Variants in FAM135B observed in about 807,000 individuals in gnomAD.
The protein encoded by FAM135B is family with sequence similarity 135 member B, also known as protein FAM135B.
FAM135B carries 43 observed loss-of-function variants against 127.7 expected under a neutral mutation model. That is an observed-to-expected ratio of 0.34 (90% CI 0.26 to 0.43). The LOEUF (loss-of-function observed/expected upper bound fraction) is 0.43. FAM135B is among the 20% of genes least tolerant of loss of function. The probability of loss-of-function intolerance (pLI) is 1.00; values close to 1 mark genes in which losing one functional copy is unlikely to be tolerated. For synonymous variants in FAM135B, 670 were observed against 665.1 expected, an observed-to-expected ratio of 1.01 and a Z score of -0.11; for missense variants, 1,558 against 1,725.6, an observed-to-expected ratio of 0.90 and a Z score of 1.72.
chr8:138,318,094 C>T (rs1350757078), intron 2 of FAM135B, among the ~76,000 whole-genome samples: 1 of 152,218 alleles, frequency 6.6e-6, no homozygotes, highest in Non-Finnish European at 1.5e-5. Flanking sequence ...AAACAATTAG[C>T]AGCGGCAGCC....
At chr8:138,149,133 A>T (rs973444150) in intron 13 of FAM135B, among the ~76,000 whole-genome samples, 3 of 82,306 alleles carry the variant, frequency 3.6e-5, no homozygotes, top group Non-Finnish European at 7.4e-5. Context: ...GTATAATAAT[A>T]AAAAAATAAA....
chr8:138,430,688 G>A (rs938256582), intron 1 of FAM135B, among the ~76,000 whole-genome samples: 1 of 152,130 alleles, frequency 6.6e-6, no homozygotes. Context: ...TTCGAGGACG[G>A]GGGTAAAAAG....
chr8:138,308,849 G>A lies in FAM135B; in HGVS notation c.157+1992C>T. The A allele has an allele frequency of 1.1e-5, 3 of 270,634 alleles. No individual in the cohort carries two copies. In the South Asian group the frequency reaches 1.1e-4, roughly 10 times the overall value. 16.8% of individuals were successfully genotyped at this position (270,634 alleles called of 1,614,324 possible). A position where few individuals can be genotyped will look rare whatever the true frequency, so the allele number is the denominator to read the frequency against. On this transcript the variant is annotated intron_variant, in intron 3 of 19. Transcript: ENST00000395297. The stretch of plus-strand genomic sequence containing the variant: ...AGCAGAGTCCTTGACGGGAGCCTGG[G>A]CATGGCTTTCATCAGGTTGGCTGTG...
At chr8:138,412,898 T>A (rs1209660360) in intron 1 of FAM135B, among the ~76,000 whole-genome samples, 1 of 152,152 alleles carries the variant, frequency 6.6e-6, no homozygotes, top group Non-Finnish European at 1.5e-5. Flanking sequence ...TCCTGCTCCC[T>A]GGGATCACAT....
rs1407440571 is a variant in FAM135B at position 138,497,155 on chromosome 8, C to T, written c.-504G>A. On this transcript the variant is annotated 5_prime_UTR_variant, in exon 1 of 20. Transcript: ENST00000395297. ...TCCTCCGCCGGGACGCGGCCAGACC[C>T]TCCGCGCCGCGCCGCGCGCCCTCGC... is the stretch of plus-strand genomic sequence containing the variant. 6.6e-6 allele frequency among the ~76,000 whole-genome samples: 1 copy of T among 151,286 alleles called. No individual in the cohort carries two copies. The highest frequency in any genetic ancestry group is 1.5e-5 in the Non-Finnish European group (1 of 67,804).
intron 1 of FAM135B, among the ~76,000 whole-genome samples, chr8:138,460,637 G>T (rs1837067688): frequency 6.6e-6 from 1 of 152,092 alleles, no homozygotes; most frequent in East Asian, 1.9e-4. Flanking sequence ...TTTCTTCCAG[G>T]ATGCTCCTCT....
chr8:138,209,508 T>C (rs1427710295), intron 7 of FAM135B, among the ~76,000 whole-genome samples: 1 of 152,096 alleles, frequency 6.6e-6, no homozygotes, highest in Non-Finnish European at 1.5e-5. Context: ...CTGCCAGATG[T>C]GGGCTGCCAG....
At chr8:138,491,936 G>A (rs933283422) in intron 1 of FAM135B, among the ~76,000 whole-genome samples, 1 of 152,154 alleles carries the variant, frequency 6.6e-6, no homozygotes, top group African/African-American at 2.4e-5. Flanking sequence ...AGTGGCTGTG[G>A]AGGAGACCAG....
intron 3 of FAM135B, among the ~76,000 whole-genome samples, chr8:138,308,394 T>C (rs1005287034): frequency 6.6e-6 from 1 of 152,174 alleles, no homozygotes; most frequent in Non-Finnish European, 1.5e-5. Flanking sequence ...AAGTCACAAG[T>C]TTTGGAGTGC....
At position 138,442,236 on chromosome 8, in the gene FAM135B, CCATATATA is replaced by C. The variant is rs1247310316; in HGVS notation, c.-20+54427_-20+54434del. ...AAATTTAACGTGAAGAATATGGACA[CCATATATA>C]TATATATATATATATATATATATAT... On this transcript the variant is annotated intron_variant, in intron 1 of 19. Transcript: ENST00000395297. Among the ~76,000 whole-genome samples, 36 of 13,130 alleles carry C rather than the reference CCATATATA, an allele frequency of 2.7e-3. 1 individual carries two copies. Among genetic ancestry groups the C allele is most frequent in the Admixed American group, 0.027 (20 of 736 alleles). 8.6% of individuals were successfully genotyped at this position (13,130 alleles called of 152,430 possible).
At chr8:138,377,288 GA>G (rs1202147107) in intron 1 of FAM135B, among the ~76,000 whole-genome samples, 1 of 152,206 alleles carries the variant, frequency 6.6e-6, no homozygotes, top group Non-Finnish European at 1.5e-5. Context: ...TAGGAGATGG[GA>G]AAGGCTCAGG....
chr8:138,248,831 A>AAAAAG (rs1218064711), intron 6 of FAM135B, among the ~76,000 whole-genome samples: 2 of 151,764 alleles, frequency 1.3e-5, no homozygotes, highest in Non-Finnish European at 2.9e-5. Flanking sequence ...CTCAAAAAAA[A>AAAAAG]AAAAACAATA....
chr8:138,368,734 G>C lies in FAM135B; in HGVS notation c.-19-732C>G, dbSNP rs144435217. Among the ~76,000 whole-genome samples the C allele has an allele frequency of 3.9e-5, 6 of 152,104 alleles. No individual in the cohort carries two copies. The East Asian group carries it at 1.2e-3, about 30-fold the overall frequency. On this transcript the variant is annotated intron_variant, in intron 1 of 19. Transcript: ENST00000395297. The stretch of plus-strand genomic sequence containing the variant: ...ACTGGGGGTCAGTAACAAGATGGTT[G>C]AATGGAAAAGATGGGAGGAAAAAAA...
intron 10 of FAM135B, 92 bp downstream of exon 10, chr8:138,178,443 C>T (rs1814693425): frequency 1.4e-6 from 2 of 1,461,410 alleles, no homozygotes; most frequent in South Asian, 1.2e-5. Context: ...GATCTAGAGG[C>T]CAATCCTAAT....
chr8:138,335,213 C>T (rs1255680853), intron 2 of FAM135B, among the ~76,000 whole-genome samples: 1 of 152,114 alleles, frequency 6.6e-6, no homozygotes, highest in Non-Finnish European at 1.5e-5. Flanking sequence ...CTTGGGAATC[C>T]CATGCCCATC....
chr8:138,414,082 T>C (rs1834008083), intron 1 of FAM135B, among the ~76,000 whole-genome samples: 1 of 144,044 alleles, frequency 6.9e-6, no homozygotes, highest in Non-Finnish European at 1.5e-5. Context: ...ATTTAATAAA[T>C]ACAATATGCT....
intron 1 of FAM135B, among the ~76,000 whole-genome samples, chr8:138,448,370 G>A (rs1434363883): frequency 6.6e-6 from 1 of 152,122 alleles, no homozygotes; most frequent in Non-Finnish European, 1.5e-5. Context: ...CAGAAAGACT[G>A]CCCCTTCCAA....
chr8:138,468,364 T>C (rs188964432), intron 1 of FAM135B, among the ~76,000 whole-genome samples: 37 of 152,338 alleles, frequency 2.4e-4, no homozygotes, highest in African/African-American at 7.2e-5. Flanking sequence ...CTGTTAGCTC[T>C]TCATGACTCT....
At chr8:138,410,430 T>G (rs987184522) in intron 1 of FAM135B, among the ~76,000 whole-genome samples, 2 of 152,188 alleles carry the variant, frequency 1.3e-5, no homozygotes, top group South Asian at 4.1e-4. Flanking sequence ...GTAAACTGCC[T>G]TATGGAACTG....
Sources: gnomAD v4.1 joint callset for allele counts (sites outside exome capture counted in the v4.1 genomes callset) on GRCh38, gnomAD v4.1.1 for gene constraint, MANE v1.5 for transcripts, NCBI Gene and HGNC (gene_info 2026-07-23, HGNC 2026-07-21) for gene names.